The following TMEFF1 variants were observed in gnomAD, a reference collection of about 807,000 sequenced individuals.
The protein encoded by TMEFF1 is tomoregulin-1.
TMEFF1 carries 20 observed loss-of-function variants against 47.5 expected under a neutral mutation model. The observed-to-expected ratio is 0.42, with a 90% CI of 0.30 to 0.61. TMEFF1 has a LOEUF of 0.61. Among genes scored for constraint, TMEFF1 ranks in the 20% least tolerant of loss-of-function variants. TMEFF1 has a pLI of 0.19. For missense variants in TMEFF1, 411 were observed against 471.1 expected, an observed-to-expected ratio of 0.87 and a Z score of 1.18; for synonymous variants, 162 against 166.3, an observed-to-expected ratio of 0.97 and a Z score of 0.20.
chr9:100,508,587 A>G (rs1306313418), intron 2 of TMEFF1, among the ~76,000 whole-genome samples: 3 of 151,444 alleles, frequency 2.0e-5, no homozygotes. Flanking sequence ...CTTCTGTACC[A>G]TTTACCTTGG....
chr9:100,497,863 C>G (rs1412597), intron 1 of TMEFF1, among the ~76,000 whole-genome samples: 1 of 151,694 alleles, frequency 6.6e-6, no homozygotes, highest in Non-Finnish European at 1.5e-5. Flanking sequence ...AGGAGTTAAT[C>G]TAGGACTCTC....
intron 1 of TMEFF1, among the ~76,000 whole-genome samples, chr9:100,492,033 G>GT (rs966259710): frequency 3.3e-5 from 5 of 151,892 alleles, no homozygotes; most frequent in Non-Finnish European, 5.9e-5. Flanking sequence ...TTACAGGCTC[G>GT]TGCCACCACG....
intron 8 of TMEFF1, 26 bp downstream of exon 8, chr9:100,561,546 G>A (rs1839015441): frequency 6.3e-7 from 1 of 1,593,574 alleles, no homozygotes; most frequent in Non-Finnish European, 8.5e-7. Flanking sequence ...CAGATCAGTG[G>A]TGAGCATTTT....
chr9:100,538,335 C>T (rs1045562116), intron 5 of TMEFF1, among the ~76,000 whole-genome samples: 5 of 152,338 alleles, frequency 3.3e-5, no homozygotes, highest in African/African-American at 7.2e-5. Context: ...GGATTACAGG[C>T]GTGAGCCTCT....
At chr9:100,521,933 G>C (rs547102458) in intron 5 of TMEFF1, among the ~76,000 whole-genome samples, 2 of 152,280 alleles carry the variant, frequency 1.3e-5, no homozygotes, top group East Asian at 3.9e-4. Context: ...ACAGGTGCAG[G>C]GTATGGCAGA....
intron 1 of TMEFF1, among the ~76,000 whole-genome samples, chr9:100,493,482 A>G (rs923938943): frequency 2.0e-5 from 3 of 152,196 alleles, no homozygotes; most frequent in African/African-American, 7.2e-5. Context: ...TCAGGTTCAT[A>G]GAAAGCAGAG....
chr9:100,474,823 A>C (rs1024978585), intron 1 of TMEFF1, among the ~76,000 whole-genome samples: 1 of 152,088 alleles, frequency 6.6e-6, no homozygotes, highest in African/African-American at 2.4e-5. Flanking sequence ...GGAAACAAAG[A>C]GCTTGCTGAG....
intron 5 of TMEFF1, among the ~76,000 whole-genome samples, chr9:100,546,236 C>G (rs926703554): frequency 2.0e-5 from 3 of 152,140 alleles, no homozygotes; most frequent in Admixed American, 6.5e-5. Context: ...CACAGTTCCC[C>G]AGACCCACGT....
At chr9:100,474,253 G>C (rs140455105) in intron 1 of TMEFF1, among the ~76,000 whole-genome samples, 16 of 151,788 alleles carry the variant, frequency 1.1e-4, no homozygotes, top group African/African-American at 3.6e-4. Context: ...TGGGGGTCTC[G>C]GGGGTGGGGG....
chr9:100,513,387 CTTTT>C (rs1183935293), intron 4 of TMEFF1, 54 bp downstream of exon 4: 21 of 1,380,602 alleles, frequency 1.5e-5, no homozygotes, highest in African/African-American at 1.2e-4. Context: ...TTCTTTCTTT[CTTTT>C]TCTTTTTTTT....
At chr9:100,529,750 A>T (rs1838339663) in intron 5 of TMEFF1, among the ~76,000 whole-genome samples, 1 of 152,156 alleles carries the variant, frequency 6.6e-6, no homozygotes, top group Non-Finnish European at 1.5e-5. Flanking sequence ...GACCTAATAG[A>T]CATCTACAGA....
chr9:100,562,580 A>G (rs1290146838), intron 8 of TMEFF1, among the ~76,000 whole-genome samples: 2 of 150,794 alleles, frequency 1.3e-5, no homozygotes, highest in Non-Finnish European at 3.0e-5. Context: ...TTTTGTGAAC[A>G]TTTAAAAAAT....
At chr9:100,566,180 C>G (rs1018591706) in intron 8 of TMEFF1, among the ~76,000 whole-genome samples, 5 of 152,192 alleles carry the variant, frequency 3.3e-5, no homozygotes, top group Admixed American at 2.0e-4. Context: ...GCTCCTTGAC[C>G]TCTCAATGTA....
At chr9:100,529,946 A>G (rs914261760) in intron 5 of TMEFF1, among the ~76,000 whole-genome samples, 2 of 152,150 alleles carry the variant, frequency 1.3e-5, no homozygotes, top group Non-Finnish European at 2.9e-5. Flanking sequence ...ATCTCACTCA[A>G]AACCGATCAA....
At chr9:100,541,375 C>CTTTTT (rs1220537806) in intron 5 of TMEFF1, among the ~76,000 whole-genome samples, 28 of 97,622 alleles carry the variant, frequency 2.9e-4, no homozygotes, top group South Asian at 1.1e-3. Context: ...TTCTTTCTTT[C>CTTTTT]TTTTTTTTTT....
chr9:100,574,823 T>C (rs1173929723), intron 9 of TMEFF1, among the ~76,000 whole-genome samples: 1 of 152,162 alleles, frequency 6.6e-6, no homozygotes, highest in South Asian at 2.1e-4. Context: ...CAACAGTCTT[T>C]TACCCAACTC....
At chr9:100,576,372 A>AGATACCATCTCATTTCCCT in intron 9 of TMEFF1, 144 bp from the exon 10 acceptor site, 1 of 1,031,450 alleles carries the variant, frequency 9.7e-7, no homozygotes, top group Non-Finnish European at 1.4e-6. Flanking sequence ...GTCTTGCAAC[A>AGATACCATCTCATTTCCCT]GATACCATCT....
intron 8 of TMEFF1, among the ~76,000 whole-genome samples, chr9:100,564,200 A>G (rs544616180): frequency 6.6e-5 from 10 of 152,032 alleles, no homozygotes; most frequent in African/African-American, 9.7e-5. Context: ...TCAGCCTCCC[A>G]AGTAGCTGGG....
intron 7 of TMEFF1, among the ~76,000 whole-genome samples, chr9:100,552,882 T>G (rs1231367274): frequency 6.6e-6 from 1 of 151,520 alleles, no homozygotes; most frequent in East Asian, 1.9e-4. Flanking sequence ...AAAAAAGCAT[T>G]CTAGCCCTAT....
Sources: gnomAD v4.1 joint callset for allele counts (sites outside exome capture counted in the v4.1 genomes callset) on GRCh38, gnomAD v4.1.1 for gene constraint, MANE v1.5 for transcripts, NCBI Gene and HGNC (gene_info 2026-07-23, HGNC 2026-07-21) for gene names.